The following TNKS variants were observed in gnomAD, a reference collection of about 807,000 sequenced individuals.
TNKS encodes the protein poly [ADP-ribose] polymerase tankyrase-1.
A neutral mutation model predicts 135.8 loss-of-function variants in TNKS; 72 were observed. That is an observed-to-expected ratio of 0.53 (90% CI 0.44 to 0.64). The LOEUF is 0.64. TNKS is among the 30% of genes least tolerant of loss of function. TNKS has a pLI of 0.00. For synonymous variants in TNKS, 849 were observed against 649.3 expected (o/e 1.31, Z -4.68); for missense variants, 1,769 against 1,674.0 (o/e 1.06, Z -0.99).
At chr8:9,705,543 C>A (rs1463277969) in intron 6 of TNKS, among the ~76,000 whole-genome samples, 5 of 152,166 alleles carry the variant, frequency 3.3e-5, no homozygotes, top group African/African-American at 4.8e-5. Context: ...GAGACACTTA[C>A]CAGAAGAATT....
rs1178000574 is a variant in TNKS, at chr8:9,748,035, A to G, written c.2655A>G (p.Ile885Met). The change falls in exon 18 of 27, where the codon ATA (isoleucine) becomes ATG (methionine). Residue 885 changes from isoleucine (I) to methionine (M), a missense_variant. This residue lies in a region of TNKS where 722 missense variants were observed against 688.9 expected (regional missense o/e 1.05). Transcript: ENST00000310430. ...TTCTTTTTTTTCAGCATGTTGACATAGCGGCTTTATTGATAAAATACAACA... is the reference window on the plus strand; with the variant it reads ...TTCTTTTTTTTCAGCATGTTGACATGGCGGCTTTATTGATAAAATACAACA... The part of the protein sequence containing the change: ...HNAASYGHVD[I>M]AALLIKYNTC... 1 of 1,607,660 alleles carries G rather than the reference A, an allele frequency of 6.2e-7. No individual in the cohort carries two copies. Among genetic ancestry groups the G allele is most frequent in the Admixed American group, 1.7e-5 (1 of 58,404 alleles).
At chr8:9,563,057 A>T (rs914336653) in intron 1 of TNKS, among the ~76,000 whole-genome samples, 2 of 151,760 alleles carry the variant, frequency 1.3e-5, no homozygotes, top group African/African-American at 4.8e-5. Context: ...TAAATTTGTT[A>T]CTTGCTCCAT....
intron 3 of TNKS, among the ~76,000 whole-genome samples, chr8:9,652,284 T>C (rs1801176141): frequency 6.6e-6 from 1 of 152,240 alleles, no homozygotes; most frequent in Non-Finnish European, 1.5e-5. Context: ...GTTTTATCGA[T>C]CTCAATAAGG....
intron 14 of TNKS, 74 bp from the exon 15 acceptor site, chr8:9,733,205 A>T: frequency 7.0e-7 from 1 of 1,425,012 alleles, no homozygotes; most frequent in Non-Finnish European, 9.4e-7. Context: ...GAAGAATGGT[A>T]GGATTTTTAT....
At chr8:9,658,377 G>A in intron 3 of TNKS, 1 of 1,282,786 alleles carries the variant, frequency 7.8e-7, no homozygotes, top group African/African-American at 1.6e-5. Flanking sequence ...CGGCGGCAAA[G>A]ACTGAGACAG....
intron 20 of TNKS, among the ~76,000 whole-genome samples, chr8:9,753,937 G>C (rs1301746217): frequency 6.6e-6 from 1 of 152,234 alleles, no homozygotes; most frequent in Middle Eastern, 3.2e-3. Flanking sequence ...GGCTGTAGGG[G>C]AGAATCTATT....
intron 1 of TNKS, among the ~76,000 whole-genome samples, chr8:9,560,493 CT>C (rs535715245): frequency 3.8e-3 from 161 of 42,250 alleles, no homozygotes; most frequent in Middle Eastern, 0.028. Flanking sequence ...CCATACTTGT[CT>C]TTTTTTTTTT....
At chr8:9,584,804 C>T (rs1030015057) in intron 2 of TNKS, among the ~76,000 whole-genome samples, 1 of 152,166 alleles carries the variant, frequency 6.6e-6, no homozygotes, top group Non-Finnish European at 1.5e-5. Flanking sequence ...AGAGTATGTT[C>T]CCTTTGGAGG....
At chr8:9,771,601 AGAAG>A (rs1332511140) in intron 26 of TNKS, among the ~76,000 whole-genome samples, 1 of 120,446 alleles carries the variant, frequency 8.3e-6, no homozygotes, top group Non-Finnish European at 1.7e-5. Flanking sequence ...GAGGAAAGAA[AGAAG>A]GGAGGAAGAG....
At chr8:9,674,584 C>G (rs2128794599) in intron 3 of TNKS, among the ~76,000 whole-genome samples, 1 of 152,292 alleles carries the variant, frequency 6.6e-6, no homozygotes, top group Non-Finnish European at 1.5e-5. Context: ...TATAGAGGTA[C>G]TAGCTAGTTA....
intron 5 of TNKS, among the ~76,000 whole-genome samples, chr8:9,692,592 C>T (rs1479877677): frequency 6.6e-6 from 1 of 152,058 alleles, no homozygotes; most frequent in African/African-American, 2.4e-5. Flanking sequence ...AGGTCCAGGA[C>T]CAGAGAGAAA....
chr8:9,724,643 C>T (rs1805073030), intron 12 of TNKS, among the ~76,000 whole-genome samples: 1 of 152,102 alleles, frequency 6.6e-6, no homozygotes, highest in Non-Finnish European at 1.5e-5. Flanking sequence ...CGCATTATTT[C>T]TAAAAACAAG....
At chr8:9,759,436 C>T (rs567717264) in intron 20 of TNKS, among the ~76,000 whole-genome samples, 1 of 152,330 alleles carries the variant, frequency 6.6e-6, no homozygotes, top group South Asian at 2.1e-4. Context: ...AGAGCACTTT[C>T]CACGTTAGGT....
chr8:9,594,880 A>G (rs1157030825), intron 2 of TNKS, among the ~76,000 whole-genome samples: 1 of 152,204 alleles, frequency 6.6e-6, no homozygotes, highest in Non-Finnish European at 1.5e-5. Context: ...CTACTGGAGA[A>G]CTTCACTGGA....
chr8:9,638,337 T>A lies in TNKS; in HGVS notation c.994+22660T>A, dbSNP rs141253671. ...GCTTCCATGTCAATGTTACTTACTTTCTCATTAGTTAAAGTATACCTTGGG... is the reference window on the plus strand; with the variant it reads ...GCTTCCATGTCAATGTTACTTACTTACTCATTAGTTAAAGTATACCTTGGG... On this transcript the variant is annotated intron_variant, in intron 3 of 26. Transcript: ENST00000310430. 1.6e-3 allele frequency among the ~76,000 whole-genome samples: 249 copies of A among 152,368 alleles called. 2 individuals carry two copies. The highest frequency in any genetic ancestry group is 5.6e-3 in the African/African-American group (233 of 41,592).
intron 12 of TNKS, among the ~76,000 whole-genome samples, chr8:9,724,372 G>A (rs1004011280): frequency 6.6e-6 from 1 of 152,100 alleles, no homozygotes; most frequent in African/African-American, 2.4e-5. Flanking sequence ...AGGATCACTT[G>A]AGCCCAGGAT....
intron 11 of TNKS, among the ~76,000 whole-genome samples, chr8:9,712,016 T>A (rs1213395968): frequency 6.6e-6 from 1 of 152,206 alleles, no homozygotes; most frequent in African/African-American, 2.4e-5. Context: ...AAAGATGGAA[T>A]TTTACTACAG....
chr8:9,658,423 C>T lies in TNKS; in HGVS notation c.995-21528C>T, dbSNP rs965016555. 94 of 1,237,212 alleles carry T rather than the reference C, an allele frequency of 7.6e-5. 1 individual carries two copies. The African/African-American group carries it at 8.6e-4, about 11-fold the overall frequency. 76.6% of individuals were successfully genotyped at this position (1,237,212 alleles called of 1,614,324 possible). A position where few individuals can be genotyped will look rare whatever the true frequency, so the allele number is the denominator to read the frequency against. On this transcript the variant is annotated intron_variant, in intron 3 of 26. Coordinates refer to ENST00000310430, the MANE Select transcript of TNKS (RefSeq NM_003747.3). ...CGCTGAACTCCATCCTCCCGGCGGT[C>T]GGGCGGCGGCGGCTGCCAAGAAAAG...
At chr8:9,593,876 AT>A (rs33975970) in intron 2 of TNKS, among the ~76,000 whole-genome samples, 3,999 of 137,950 alleles carry the variant, frequency 0.029, 157 homozygotes, top group African/African-American at 0.1. Context: ...TTATTTATTT[AT>A]TTATTATTAT....
Sources: gnomAD v4.1 joint callset for allele counts (sites outside exome capture counted in the v4.1 genomes callset) on GRCh38, gnomAD v4.1.1 for gene constraint, gnomAD v4.1.1 regional missense constraint, MANE v1.5 for transcripts, NCBI Gene and HGNC (gene_info 2026-07-23, HGNC 2026-07-21) for gene names.